Variants in ABTB3 observed in about 807,000 individuals in gnomAD.
The protein encoded by ABTB3 is ankyrin repeat- and BTB/POZ domain-containing protein 3.
chr12:107,442,969 G>T, the ABTB3 span, among the ~76,000 whole-genome samples: 2 of 152,178 alleles, frequency 1.3e-5, no homozygotes, highest in Admixed American at 1.3e-4. Flanking sequence ...TCCATAGAGC[G>T]CACCTTCTTG....
At chr12:107,381,860 C>T in the ABTB3 span, among the ~76,000 whole-genome samples, 1 of 152,184 alleles carries the variant, frequency 6.6e-6, no homozygotes, top group Admixed American at 6.5e-5. Flanking sequence ...GGATCAGCCT[C>T]AGCAGGGCAT....
At chr12:107,403,437 A>G in the ABTB3 span, among the ~76,000 whole-genome samples, 1 of 152,030 alleles carries the variant, frequency 6.6e-6, no homozygotes, top group Non-Finnish European at 1.5e-5. Flanking sequence ...ACATCTCCCT[A>G]TCAGCTACCT....
the ABTB3 span, among the ~76,000 whole-genome samples, chr12:107,439,138 A>G: frequency 2.0e-5 from 3 of 152,162 alleles, no homozygotes; most frequent in Admixed American, 6.5e-5. Context: ...AAGTGCTAAT[A>G]ATCACGCGTC....
the ABTB3 span, among the ~76,000 whole-genome samples, chr12:107,429,525 G>A: frequency 6.6e-6 from 1 of 152,174 alleles, no homozygotes; most frequent in Non-Finnish European, 1.5e-5. Flanking sequence ...TATGGGCTGG[G>A]CTCTTGGGCA....
At chr12:107,559,514 G>A in the ABTB3 span, among the ~76,000 whole-genome samples, 1 of 152,244 alleles carries the variant, frequency 6.6e-6, no homozygotes, top group Non-Finnish European at 1.5e-5. Context: ...AGAAAGCACT[G>A]TCTGAGCTCA....
chr12:107,614,469 G>A, the ABTB3 span, among the ~76,000 whole-genome samples: 6 of 152,238 alleles, frequency 3.9e-5, no homozygotes, highest in South Asian at 2.1e-4. Flanking sequence ...AAAGCTGAAA[G>A]CAGACAGTCC....
the ABTB3 span, among the ~76,000 whole-genome samples, chr12:107,645,658 A>C: frequency 1.3e-5 from 2 of 152,320 alleles, no homozygotes; most frequent in African/African-American, 4.8e-5. Flanking sequence ...GGGAGCTTAC[A>C]CTGTGAAGCC....
the ABTB3 span, among the ~76,000 whole-genome samples, chr12:107,524,223 G>T: frequency 6.6e-6 from 1 of 152,178 alleles, no homozygotes. Context: ...CATTAAGTCA[G>T]CCCCATAGAA....
the ABTB3 span, among the ~76,000 whole-genome samples, chr12:107,399,341 T>TGG: frequency 6.6e-6 from 1 of 152,252 alleles, no homozygotes; most frequent in East Asian, 1.9e-4. Flanking sequence ...GGGAACACTG[T>TGG]GGAAACAGGA....
At chr12:107,512,341 T>C in the ABTB3 span, among the ~76,000 whole-genome samples, 8 of 152,358 alleles carry the variant, frequency 5.3e-5, no homozygotes, top group African/African-American at 1.9e-4. Context: ...GCTGCAAATT[T>C]GGCTGTGAGC....
chr12:107,481,663 A>G, the ABTB3 span, among the ~76,000 whole-genome samples: 1 of 152,142 alleles, frequency 6.6e-6, no homozygotes, highest in Non-Finnish European at 1.5e-5. Context: ...TCCTACTCCA[A>G]CTAGATTGAG....
At chr12:107,467,157 A>G in the ABTB3 span, among the ~76,000 whole-genome samples, 2 of 152,156 alleles carry the variant, frequency 1.3e-5, no homozygotes, top group African/African-American at 4.8e-5. Flanking sequence ...TGAGCTCCCA[A>G]ACTCTGAAAC....
At chr12:107,433,603 G>A in the ABTB3 span, among the ~76,000 whole-genome samples, 32 of 152,282 alleles carry the variant, frequency 2.1e-4, no homozygotes, top group African/African-American at 7.5e-4. Flanking sequence ...CCTCACAACA[G>A]CCTTCAGCAG....
the ABTB3 span, among the ~76,000 whole-genome samples, chr12:107,346,496 G>A: frequency 1.3e-5 from 2 of 152,024 alleles, no homozygotes; most frequent in Non-Finnish European, 2.9e-5. Flanking sequence ...GGCTTGCTCT[G>A]TGACCGAGGC....
chr12:107,503,532 C>T, the ABTB3 span, among the ~76,000 whole-genome samples: 15 of 151,600 alleles, frequency 9.9e-5, no homozygotes, highest in South Asian at 4.2e-4. Flanking sequence ...TTTGGGGGGC[C>T]GAGGTGGGAG....
chr12:107,479,729 C>T, the ABTB3 span, among the ~76,000 whole-genome samples: 15 of 152,026 alleles, frequency 9.9e-5, no homozygotes, highest in African/African-American at 3.6e-4. Flanking sequence ...GTATTGAGAC[C>T]CTTCTCTGTG....
chr12:107,336,114 G>C, the ABTB3 span, among the ~76,000 whole-genome samples: 2 of 152,278 alleles, frequency 1.3e-5, no homozygotes, highest in Middle Eastern at 3.4e-3. Flanking sequence ...ACTCATCAAA[G>C]CCATCTCTGA....
At chr12:107,629,425 A>T in the ABTB3 span, among the ~76,000 whole-genome samples, 1 of 152,180 alleles carries the variant, frequency 6.6e-6, no homozygotes, top group Non-Finnish European at 1.5e-5. Flanking sequence ...CCTGTCTCAA[A>T]AAAAAAGAAT....
chr12:107,384,520 A>T, the ABTB3 span, among the ~76,000 whole-genome samples: 1 of 152,172 alleles, frequency 6.6e-6, no homozygotes, highest in African/African-American at 2.4e-5. Flanking sequence ...AGACTCTAAG[A>T]GGTGCCCGAA....
Sources: allele counts gnomAD v4.1 joint callset (sites outside exome capture counted in the v4.1 genomes callset), GRCh38; gene constraint gnomAD v4.1.1; transcripts MANE v1.5; gene names NCBI Gene and HGNC (gene_info 2026-07-23, HGNC 2026-07-21).